The following STXBP5 variants were observed in gnomAD, a reference collection of about 807,000 sequenced individuals.
The protein encoded by STXBP5 is syntaxin-binding protein 5.
STXBP5 carries 50 observed loss-of-function variants against 152.4 expected under a neutral mutation model. The observed-to-expected ratio is 0.33, with a 90% CI of 0.26 to 0.42. The LOEUF is 0.42. Among genes scored for constraint, STXBP5 ranks in the 10% least tolerant of loss-of-function variants. STXBP5 has a pLI of 1.00. For missense variants in STXBP5, 1,167 were observed against 1,388.6 expected (o/e 0.84, Z 2.54); for synonymous variants, 492 against 494.7 (o/e 0.99, Z 0.07).
chr6:147,241,332 G>T (rs182311384), intron 4 of STXBP5, among the ~76,000 whole-genome samples: 1 of 152,242 alleles, frequency 6.6e-6, no homozygotes, highest in East Asian at 1.9e-4. Flanking sequence ...TTCACTATTT[G>T]TGTTGAACAA....
At chr6:147,219,930 G>C (rs1474385683) in intron 2 of STXBP5, among the ~76,000 whole-genome samples, 2 of 150,530 alleles carry the variant, frequency 1.3e-5, no homozygotes, top group African/African-American at 4.9e-5. Context: ...TTTACTTTGG[G>C]TTCAGTTTCC....
chr6:147,327,702 A>T (rs1466928155), intron 18 of STXBP5, among the ~76,000 whole-genome samples: 1 of 152,128 alleles, frequency 6.6e-6, no homozygotes, highest in Non-Finnish European at 1.5e-5. Flanking sequence ...TCAGCCTCCC[A>T]AAGTACTGGG....
At chr6:147,232,436 C>T (rs1778052015) in intron 2 of STXBP5, among the ~76,000 whole-genome samples, 1 of 151,724 alleles carries the variant, frequency 6.6e-6, no homozygotes, top group African/African-American at 2.4e-5. Flanking sequence ...TAGGCATTAT[C>T]AATTCTTTAA....
Position 147,232,129 on chromosome 6 carries a change from A to G in STXBP5, c.249-3121A>G, listed in dbSNP as rs114917046. On this transcript the variant is annotated intron_variant, in intron 2 of 27. Coordinates refer to ENST00000321680, the MANE Select transcript of STXBP5 (RefSeq NM_001127715.4). ...ATGCATTTTATAGATTAGAGAGTTA[A>G]GACCTGTAGTAATTCTCTCCAGATC... is the stretch of plus-strand genomic sequence containing the variant. Among the ~76,000 whole-genome samples, 1,238 of 152,000 alleles carry G rather than the reference A, an allele frequency of 8.1e-3. 20 individuals carry two copies. Among genetic ancestry groups the G allele is most frequent in the African/African-American group, 0.029 (1,189 of 41,566 alleles).
At chr6:147,232,545 C>T (rs1778056968) in intron 2 of STXBP5, among the ~76,000 whole-genome samples, 1 of 151,742 alleles carries the variant, frequency 6.6e-6, no homozygotes, top group South Asian at 2.1e-4. Flanking sequence ...GGGCTAGCTG[C>T]AGCTGTATAA....
chr6:147,215,841 A>G (rs138108867), intron 2 of STXBP5, among the ~76,000 whole-genome samples: 4,657 of 152,282 alleles, frequency 0.031, 113 homozygotes, highest in Non-Finnish European at 0.051. Context: ...CTTTGAGGGT[A>G]GTTTAATGAT....
intron 7 of STXBP5, among the ~76,000 whole-genome samples, chr6:147,271,863 G>A (rs1328033673): frequency 6.6e-6 from 1 of 151,982 alleles, no homozygotes; most frequent in Non-Finnish European, 1.5e-5. Context: ...CAATAAAATT[G>A]ATAAACATAT....
At chr6:147,291,204 G>GT in intron 9 of STXBP5, 32 bp downstream of exon 9, 1 of 1,559,106 alleles carries the variant, frequency 6.4e-7, no homozygotes. Flanking sequence ...AATGTTCATT[G>GT]TATATAAGTC....
intron 4 of STXBP5, among the ~76,000 whole-genome samples, chr6:147,252,467 A>G (rs908611159): frequency 4.6e-5 from 7 of 152,012 alleles, no homozygotes; most frequent in African/African-American, 1.7e-4. Context: ...ATCAAGCAGA[A>G]GAAAGGATAT....
At chr6:147,362,969 ATCCACTTGC>A (rs961535668) in intron 23 of STXBP5, among the ~76,000 whole-genome samples, 6 of 152,212 alleles carry the variant, frequency 3.9e-5, no homozygotes, top group Non-Finnish European at 8.8e-5. Context: ...TCCAGGTGCT[ATCCACTTGC>A]TCTCCTGCTG....
chr6:147,266,792 T>C (rs1779913404), intron 6 of STXBP5, among the ~76,000 whole-genome samples: 1 of 152,152 alleles, frequency 6.6e-6, no homozygotes, highest in South Asian at 2.1e-4. Flanking sequence ...TTGAAAAGTT[T>C]GTAAACTTGA....
intron 2 of STXBP5, among the ~76,000 whole-genome samples, chr6:147,222,543 C>T (rs1243724722): frequency 1.3e-5 from 2 of 152,108 alleles, no homozygotes; most frequent in South Asian, 2.1e-4. Context: ...GCTGGAGTTG[C>T]GTACTTCTCT....
chr6:147,319,985 G>A (rs1046232306), intron 16 of STXBP5, among the ~76,000 whole-genome samples: 1 of 151,694 alleles, frequency 6.6e-6, no homozygotes, highest in African/African-American at 2.4e-5. Flanking sequence ...GGGACTACAA[G>A]CGCACACCAC....
rs980424362 is a variant in STXBP5 at position 147,260,658 on chromosome 6, G to A, written c.475G>A (p.Val159Met). 6.2e-7 allele frequency: 1 copy of A among 1,613,674 alleles called. No individual in the cohort carries two copies. The highest frequency in any genetic ancestry group is 1.7e-5 in the Admixed American group (1 of 59,982). Residue 159 changes from valine (V) to methionine (M), a missense_variant, in exon 5 of 28, where the codon GTG becomes ATG. This residue lies in a region of STXBP5 where 310 missense variants were observed against 346.1 expected (regional missense o/e 0.90). Transcript: ENST00000321680. ...HLPFQSKWLYVGTERGNIHIV... is the reference protein window; with the variant it reads ...HLPFQSKWLYMGTERGNIHIV... ...GCCTTTCCAGAGTAAGTGGCTCTAT[G>A]TGGGCACTGAACGAGGTAATATACA...
chr6:147,300,908 A>G (rs965784582), intron 9 of STXBP5, among the ~76,000 whole-genome samples: 1 of 152,048 alleles, frequency 6.6e-6, no homozygotes, highest in Non-Finnish European at 1.5e-5. Context: ...CTATACATCT[A>G]ACTAAAGATT....
chr6:147,369,472 A>G (rs79543262), intron 25 of STXBP5, among the ~76,000 whole-genome samples: 5,070 of 152,138 alleles, frequency 0.033, 304 homozygotes, highest in East Asian at 0.28. Context: ...GATAACTTCA[A>G]CAAAACTTAA....
chr6:147,368,955 A>C (rs1785419978), intron 25 of STXBP5, among the ~76,000 whole-genome samples: 1 of 151,922 alleles, frequency 6.6e-6, no homozygotes, highest in South Asian at 2.1e-4. Context: ...AGTCTTAAAA[A>C]TTTTTTAGAA....
At chr6:147,335,330 C>A (rs1397796342) in intron 19 of STXBP5, among the ~76,000 whole-genome samples, 1 of 152,096 alleles carries the variant, frequency 6.6e-6, no homozygotes, top group Non-Finnish European at 1.5e-5. Flanking sequence ...ATTGTAATAT[C>A]TTTTAGTTCT....
At chr6:147,286,082 A>G (rs946257254) in intron 8 of STXBP5, among the ~76,000 whole-genome samples, 2 of 152,168 alleles carry the variant, frequency 1.3e-5, no homozygotes, top group Non-Finnish European at 2.9e-5. Context: ...GAAGTTCTTA[A>G]TTTATTCCTT....
Sources: gnomAD v4.1 joint callset for allele counts (sites outside exome capture counted in the v4.1 genomes callset) on GRCh38, gnomAD v4.1.1 for gene constraint, gnomAD v4.1.1 regional missense constraint, MANE v1.5 for transcripts, NCBI Gene and HGNC (gene_info 2026-07-23, HGNC 2026-07-21) for gene names.